The following SLC18A2 variants were observed in gnomAD, a reference collection of about 807,000 sequenced individuals.
SLC18A2 encodes the protein solute carrier family 18 member A2.
SLC18A2 carries 33 observed loss-of-function variants against 59.2 expected under a neutral mutation model. The observed-to-expected ratio is 0.56, with a 90% CI of 0.42 to 0.75. The LOEUF is 0.75. Ranked by LOEUF, SLC18A2 falls within the 30% of genes least tolerant of loss-of-function variation. SLC18A2 has a pLI of 0.00. For synonymous variants in SLC18A2, 228 were observed against 253.5 expected (o/e 0.90, Z 0.95); for missense variants, 569 against 668.6 (o/e 0.85, Z 1.64).
intron 10 of SLC18A2, among the ~76,000 whole-genome samples, chr10:117,259,634 G>A (rs1020491420): frequency 2.0e-5 from 3 of 152,200 alleles, no homozygotes; most frequent in Admixed American, 6.5e-5. Context: ...TTCTTGGTTG[G>A]AAATCATTTC....
chr10:117,274,803 G>T (rs1311090863), intron 15 of SLC18A2, among the ~76,000 whole-genome samples: 1 of 152,150 alleles, frequency 6.6e-6, no homozygotes, highest in Non-Finnish European at 1.5e-5. Flanking sequence ...CTGGGACCCT[G>T]GAGTCCCTGT....
intron 2 of SLC18A2, 147 bp downstream of exon 2, chr10:117,241,961 G>C: frequency 1.3e-6 from 1 of 786,462 alleles, no homozygotes; most frequent in Non-Finnish European, 1.9e-6. Flanking sequence ...ATCCCCTCCA[G>C]GCTGCCGCGC....
chr10:117,267,112 A>G, intron 12 of SLC18A2, 77 bp downstream of exon 12: 1 of 1,090,340 alleles, frequency 9.2e-7, no homozygotes, highest in Non-Finnish European at 1.4e-6. Flanking sequence ...ATCACCAAGA[A>G]ACATTTTACG....
chr10:117,252,186 G>T, intron 3 of SLC18A2, among the ~76,000 whole-genome samples: 1 of 96,032 alleles, frequency 1.0e-5, no homozygotes, highest in East Asian at 3.5e-4. Flanking sequence ...GTTTTGCCAT[G>T]TTGCCCAGGC....
chr10:117,262,462 A>C lies in SLC18A2; in HGVS notation c.992-4271A>C, dbSNP rs1195522360. ...ATCTGACACCGAGTCAGCAAACAGC[A>C]GATGAGAAGACACCCTCCAGCCTTG... On this transcript the variant is annotated intron_variant, in intron 10 of 15. Transcript: ENST00000644641. Among the ~76,000 whole-genome samples the C allele has an allele frequency of 4.6e-5, 7 of 152,296 alleles. No homozygotes were observed. The South Asian group carries it at 1.0e-3, about 23-fold the overall frequency.
In SLC18A2 at chr10:117,266,780, AT is replaced by A; in HGVS notation, c.1044del (p.Phe348LeufsTer18). 1 of 1,613,998 alleles carries A rather than the reference AT, an allele frequency of 6.2e-7. No individual in the cohort carries two copies. On this transcript the variant is annotated frameshift_variant, in exon 11 of 16. Transcript: ENST00000644641. LOFTEE classifies it high-confidence loss of function. Reference protein sequence around the residue: ...ASISYLIGTNIFGILAHKMGR... With the variant: ...ASISYLIGTNXFGILAHKMGR... ...TATCTCTTATCTCATTGGAACCAAT[AT>A]TTTTGGGATACTTGCACACAAAATG...
Position 117,255,274 on chromosome 10 carries a change from C to T in SLC18A2, c.701-3C>T, listed in dbSNP as rs1483235393. On this transcript the variant is annotated splice_polypyrimidine_tract_variant and splice_region_variant and intron_variant, in intron 6 of 15. Coordinates refer to ENST00000644641, the MANE Select transcript of SLC18A2 (RefSeq NM_003054.6). ...GTGGTGTCCCCACTTTCTCTCCCTGCAGTGGGCCCCCCCTTCGGGAGTGTG... is the reference window on the plus strand; with the variant it reads ...GTGGTGTCCCCACTTTCTCTCCCTGTAGTGGGCCCCCCCTTCGGGAGTGTG... The T allele has an allele frequency of 1.9e-6, 3 of 1,613,952 alleles. No homozygotes were observed. In the East Asian group the frequency reaches 6.7e-5, roughly 36 times the overall value.
rs984344290 is a variant in SLC18A2, at chr10:117,279,363, A to G, written c.*2097A>G. On this transcript the variant is annotated 3_prime_UTR_variant, in exon 16 of 16. Coordinates refer to ENST00000644641, the MANE Select transcript of SLC18A2 (RefSeq NM_003054.6). ...TTAATGAGGTAGCAATGAATATTCAACTGTTTGACTGCTAAGTGTATCTGT... is the reference window on the plus strand; with the variant it reads ...TTAATGAGGTAGCAATGAATATTCAGCTGTTTGACTGCTAAGTGTATCTGT... 9 of 152,314 alleles carry G rather than the reference A, an allele frequency of 5.9e-5. No individual in the cohort carries two copies. Among genetic ancestry groups the G allele is most frequent in the East Asian group, 5.8e-4 (3 of 5,186 alleles). 9.4% of individuals were successfully genotyped at this position (152,314 alleles called of 1,614,324 possible). A position where few individuals can be genotyped will look rare whatever the true frequency, so the allele number is the denominator to read the frequency against.
At chr10:117,263,232 C>T (rs1844314339) in intron 10 of SLC18A2, among the ~76,000 whole-genome samples, 1 of 152,200 alleles carries the variant, frequency 6.6e-6, no homozygotes, top group Non-Finnish European at 1.5e-5. Context: ...CCATGGCTCC[C>T]TGACCCTGGG....
intron 10 of SLC18A2, 66 bp from the exon 11 acceptor site, chr10:117,266,667 T>C: frequency 4.1e-6 from 5 of 1,226,788 alleles, no homozygotes; most frequent in Non-Finnish European, 6.0e-6. Context: ...GTGTCTACAG[T>C]TATTACTTTT....
At position 117,277,217 on chromosome 10, in the gene SLC18A2, A is replaced by C; in HGVS notation, c.1496A>C (p.Asn499Thr). Residue 499 changes from asparagine (N) to threonine (T), a missense_variant, in exon 16 of 16, where the codon AAT (asparagine) becomes ACT (threonine). This residue lies in a region of SLC18A2 where 192 missense variants were observed against 278.8 expected (regional missense o/e 0.69). Coordinates refer to ENST00000644641, the MANE Select transcript of SLC18A2 (RefSeq NM_003054.6). ...PIKTKMYTQNNIQSYPIGEDE... is the reference protein window; with the variant it reads ...PIKTKMYTQNTIQSYPIGEDE... ...AAAACAAAAATGTACACTCAGAATA[A>C]TATCCAGTCATATCCGATAGGTGAA... The C allele has an allele frequency of 6.2e-7, 1 of 1,611,736 alleles. No homozygotes were observed. Among genetic ancestry groups the C allele is most frequent in the Non-Finnish European group, 8.5e-7 (1 of 1,178,462 alleles).
intron 3 of SLC18A2, among the ~76,000 whole-genome samples, chr10:117,249,404 G>T (rs966369768): frequency 8.5e-5 from 13 of 152,224 alleles, no homozygotes; most frequent in Admixed American, 5.2e-4. Flanking sequence ...TTTGACAAGC[G>T]GAATCGAAGA....
chr10:117,264,680 T>C (rs1589983359), intron 10 of SLC18A2, among the ~76,000 whole-genome samples: 2 of 152,224 alleles, frequency 1.3e-5, no homozygotes, highest in African/African-American at 4.8e-5. Context: ...TTCTTTATCA[T>C]GGTATCTGCA....
intron 10 of SLC18A2, among the ~76,000 whole-genome samples, chr10:117,258,506 T>G (rs969905037): frequency 2.0e-5 from 3 of 152,224 alleles, no homozygotes; most frequent in Non-Finnish European, 2.9e-5. Flanking sequence ...TTTTCCTTCA[T>G]GCAATTTTGT....
intron 2 of SLC18A2, among the ~76,000 whole-genome samples, chr10:117,243,153 C>T (rs189614466): frequency 6.6e-6 from 1 of 152,318 alleles, no homozygotes; most frequent in African/African-American, 2.4e-5. Flanking sequence ...GCAGAATTTC[C>T]AAGTTATTAC....
At chr10:117,264,428 A>G (rs1278626253) in intron 10 of SLC18A2, among the ~76,000 whole-genome samples, 1 of 152,196 alleles carries the variant, frequency 6.6e-6, no homozygotes, top group Non-Finnish European at 1.5e-5. Flanking sequence ...CTAAGCCGAG[A>G]TCGTGCCATT....
At position 117,244,331 on chromosome 10, in the gene SLC18A2, A is replaced by G. The variant is rs1161726106; in HGVS notation, c.464+18A>G. On this transcript the variant is annotated intron_variant, in intron 3 of 15. Coordinates refer to ENST00000644641, the MANE Select transcript of SLC18A2 (RefSeq NM_003054.6). ...ACCAACAGGTAGGGCAGACTACTTT[A>G]GTCAAAGAGTTTGATATTTGTATCA... 6.3e-7 allele frequency: 1 copy of G among 1,593,046 alleles called. No homozygotes were observed. The highest frequency in any genetic ancestry group is 8.6e-7 in the Non-Finnish European group (1 of 1,165,862).
chr10:117,248,850 A>G lies in SLC18A2; in HGVS notation c.464+4537A>G, dbSNP rs551569135. 5.3e-5 allele frequency among the ~76,000 whole-genome samples: 8 copies of G among 152,288 alleles called. No homozygotes were observed. The South Asian group carries it at 1.4e-3, about 28-fold the overall frequency. ...ACTGGCTTGGGAAAGAGTTAACTTCATTGCTGGGGACCGTTTCCCTTGCTT... is the reference window on the plus strand; with the variant it reads ...ACTGGCTTGGGAAAGAGTTAACTTCGTTGCTGGGGACCGTTTCCCTTGCTT... On this transcript the variant is annotated intron_variant, in intron 3 of 15. Transcript: ENST00000644641.
At position 117,269,037 on chromosome 10, in the gene SLC18A2, TAC is replaced by T. The variant is rs1565008694; in HGVS notation, c.1187-1028_1187-1027del. Among the ~76,000 whole-genome samples, 2 of 146,120 alleles carry T rather than the reference TAC, an allele frequency of 1.4e-5. No homozygotes were observed. Among genetic ancestry groups the T allele is most frequent in the African/African-American group, 2.5e-5 (1 of 40,096 alleles). On this transcript the variant is annotated intron_variant, in intron 13 of 15. Transcript: ENST00000644641. The surrounding 1 kb of genome is among the most constrained non-coding windows in gnomAD (Gnocchi z 5.1). ...ACTGACACACGCATACACACACACA[TAC>T]ACACATACACCCCCCACATAAACAC...
Sources: gnomAD v4.1 joint callset for allele counts (sites outside exome capture counted in the v4.1 genomes callset) on GRCh38, gnomAD v4.1.1 for gene constraint, gnomAD v4.1.1 regional missense constraint, Gnocchi (gnomAD v3.1) non-coding constraint, MANE v1.5 for transcripts, NCBI Gene and HGNC (gene_info 2026-07-23, HGNC 2026-07-21) for gene names.